ATP6V0E1: variants seen among roughly 807,000 people sequenced by gnomAD.
ATP6V0E1 encodes ATPase H+ transporting V0 subunit e1.
ATP6V0E1 carries 4 observed loss-of-function variants against 11.6 expected under a neutral mutation model. That is an observed-to-expected ratio of 0.35 (90% CI 0.17 to 0.79). ATP6V0E1 has a LOEUF of 0.79. Ranked by LOEUF, ATP6V0E1 falls within the 30% of genes least tolerant of loss-of-function variation. The pLI is 0.54. For synonymous variants in ATP6V0E1, 36 were observed against 34.8 expected (o/e 1.04, Z -0.13); for missense variants, 105 against 100.0 (o/e 1.05, Z -0.21).
At chr5:172,992,591 T>C (rs985979822) in intron 1 of ATP6V0E1, among the ~76,000 whole-genome samples, 3 of 152,088 alleles carry the variant, frequency 2.0e-5, no homozygotes, top group Admixed American at 6.6e-5. Flanking sequence ...CAGCAAGGCT[T>C]TTCCTGACCA....
chr5:172,992,539 C>G (rs962088961), intron 1 of ATP6V0E1, among the ~76,000 whole-genome samples: 1 of 152,106 alleles, frequency 6.6e-6, no homozygotes, highest in Non-Finnish European at 1.5e-5. Context: ...GCCTGGAACA[C>G]TCCGTCACCT....
intron 3 of ATP6V0E1, among the ~76,000 whole-genome samples, chr5:173,025,504 CTTTTTTT>C (rs60822937): frequency 1.5e-3 from 97 of 65,560 alleles, no homozygotes; most frequent in African/African-American, 3.7e-3. Context: ...ATATAAAATA[CTTTTTTT>C]TTTTTTTTTT....
chr5:172,995,156 T>C (rs1756045514), intron 2 of ATP6V0E1, among the ~76,000 whole-genome samples: 1 of 152,240 alleles, frequency 6.6e-6, no homozygotes, highest in African/African-American at 2.4e-5. Context: ...CAGGCTGCAG[T>C]GCAGTGGTGT....
intron 2 of ATP6V0E1, among the ~76,000 whole-genome samples, chr5:173,007,746 A>G (rs979703433): frequency 1.3e-5 from 2 of 152,196 alleles, no homozygotes; most frequent in Non-Finnish European, 2.9e-5. Flanking sequence ...CACTAGACAA[A>G]GTATGGTTGA....
At chr5:172,984,112 C>T (rs2113572981) in intron 1 of ATP6V0E1, 148 bp downstream of exon 1, 1 of 733,742 alleles carries the variant, frequency 1.4e-6, no homozygotes, top group South Asian at 1.6e-5. Flanking sequence ...CGGCGGAACT[C>T]CTTGTGTTCC....
chr5:173,027,402 T>G (rs1207963329), intron 3 of ATP6V0E1, among the ~76,000 whole-genome samples: 1 of 148,956 alleles, frequency 6.7e-6, no homozygotes, highest in Non-Finnish European at 1.5e-5. Context: ...CTCCGGAGGC[T>G]GAGGCAGGAG....
At chr5:172,995,253 GC>G (rs1273072408) in intron 2 of ATP6V0E1, among the ~76,000 whole-genome samples, 22 of 152,186 alleles carry the variant, frequency 1.4e-4, no homozygotes, top group Non-Finnish European at 1.3e-4. Context: ...ACAGGCACAC[GC>G]CGCCATGCAT....
intron 1 of ATP6V0E1, among the ~76,000 whole-genome samples, chr5:172,993,078 G>A (rs896383254): frequency 4.6e-5 from 7 of 152,236 alleles, no homozygotes; most frequent in African/African-American, 9.6e-5. Context: ...GATCACAGGC[G>A]TGAGCCACCA....
At chr5:173,033,397 CAA>C in intron 3 of ATP6V0E1, among the ~76,000 whole-genome samples, 1 of 152,186 alleles carries the variant, frequency 6.6e-6, no homozygotes, top group Middle Eastern at 3.4e-3. Context: ...GATACTTGTA[CAA>C]AGAGGCTGTT....
At chr5:173,005,104 T>A (rs970029926) in intron 2 of ATP6V0E1, among the ~76,000 whole-genome samples, 6 of 152,110 alleles carry the variant, frequency 3.9e-5, no homozygotes, top group Non-Finnish European at 8.8e-5. Flanking sequence ...TTCAAGATTG[T>A]TTTGGTTATT....
chr5:173,017,840 CAAAA>C (rs538210275), intron 2 of ATP6V0E1, among the ~76,000 whole-genome samples: 1 of 66,572 alleles, frequency 1.5e-5, no homozygotes, highest in Non-Finnish European at 3.3e-5. Flanking sequence ...GACTCCTTCT[CAAAA>C]AAAAAAAAAA....
intron 1 of ATP6V0E1, among the ~76,000 whole-genome samples, chr5:172,992,348 G>A (rs1755997460): frequency 6.6e-6 from 1 of 152,178 alleles, no homozygotes. Flanking sequence ...ACTGCGCCCG[G>A]CCATAACTTC....
intron 3 of ATP6V0E1, among the ~76,000 whole-genome samples, chr5:173,028,164 C>T (rs534086087): frequency 2.0e-5 from 3 of 152,242 alleles, no homozygotes; most frequent in East Asian, 3.9e-4. Flanking sequence ...GCAAGCCGGG[C>T]GATCCCTAAT....
At chr5:173,003,985 C>T (rs1756193167) in intron 2 of ATP6V0E1, among the ~76,000 whole-genome samples, 1 of 152,196 alleles carries the variant, frequency 6.6e-6, no homozygotes, top group Non-Finnish European at 1.5e-5. Flanking sequence ...GACAGCCTCA[C>T]TTTCCCCTAG....
chr5:173,014,751 C>A (rs116265365), intron 2 of ATP6V0E1, among the ~76,000 whole-genome samples: 26 of 141,448 alleles, frequency 1.8e-4, no homozygotes, highest in African/African-American at 6.4e-4. Context: ...AAGAGTAGCA[C>A]AATGGGTACA....
chr5:173,027,375 G>A (rs571552972), intron 3 of ATP6V0E1, among the ~76,000 whole-genome samples: 2 of 132,998 alleles, frequency 1.5e-5, no homozygotes, highest in African/African-American at 5.2e-5. Context: ...GGTGGCGGGT[G>A]CCTGTAGTCC....
intron 2 of ATP6V0E1, among the ~76,000 whole-genome samples, chr5:172,995,441 A>G (rs1227420068): frequency 5.3e-5 from 8 of 152,130 alleles, no homozygotes; most frequent in Non-Finnish European, 1.2e-4. Context: ...TTTTACTGAA[A>G]TATCTCACTA....
intron 2 of ATP6V0E1, among the ~76,000 whole-genome samples, chr5:173,019,722 TG>T (rs1329945452): frequency 2.6e-5 from 4 of 152,142 alleles, no homozygotes; most frequent in Middle Eastern, 6.8e-3. Context: ...ATTTTGGTGG[TG>T]ATGGGGATTA....
At chr5:173,029,837 C>T (rs1360120388) in intron 3 of ATP6V0E1, among the ~76,000 whole-genome samples, 1 of 152,134 alleles carries the variant, frequency 6.6e-6, no homozygotes, top group Non-Finnish European at 1.5e-5. Flanking sequence ...AGGTCATGTC[C>T]AGCTCTGACT....
Sources: allele counts gnomAD v4.1 joint callset (sites outside exome capture counted in the v4.1 genomes callset), GRCh38; gene constraint gnomAD v4.1.1; transcripts MANE v1.5; gene names NCBI Gene and HGNC (gene_info 2026-07-23, HGNC 2026-07-21).